PDLIM3: variants seen among roughly 807,000 people sequenced by gnomAD.
PDLIM3 encodes PDZ and LIM domain protein 3.
Under a neutral mutation model 37.3 loss-of-function variants are expected in PDLIM3, and 36 were observed. That is an observed-to-expected ratio of 0.97 (90% CI 0.74 to 1.28). The LOEUF (loss-of-function observed/expected upper bound fraction) is 1.28, where lower values mean the gene tolerates loss of function less well. Ranked by LOEUF, PDLIM3 falls within the 50% of genes most tolerant of loss-of-function variation. The pLI is 0.00. For synonymous variants in PDLIM3, 174 were observed against 182.4 expected (o/e 0.95, Z 0.37); for missense variants, 454 against 485.0 (o/e 0.94, Z 0.60).
intron 6 of PDLIM3, among the ~76,000 whole-genome samples, chr4:185,506,059 AATAATAG>A (rs1364765901): frequency 6.6e-6 from 1 of 152,206 alleles, no homozygotes; most frequent in Non-Finnish European, 1.5e-5. Context: ...AAGTAGGGCA[AATAATAG>A]GCTCACCTCC....
At chr4:185,529,025 G>C (rs2095739279) in intron 1 of PDLIM3, among the ~76,000 whole-genome samples, 1 of 152,192 alleles carries the variant, frequency 6.6e-6, no homozygotes, top group Non-Finnish European at 1.5e-5. Flanking sequence ...ATGAGGCATA[G>C]TGTTTGTCAG....
At chr4:185,530,901 C>T (rs550672651) in intron 1 of PDLIM3, among the ~76,000 whole-genome samples, 4 of 151,506 alleles carry the variant, frequency 2.6e-5, no homozygotes, top group Admixed American at 2.0e-4. Flanking sequence ...TAATAATGGC[C>T]CCAAAGTGCA....
chr4:185,518,002 G>A (rs2095717454), intron 3 of PDLIM3, among the ~76,000 whole-genome samples: 1 of 152,090 alleles, frequency 6.6e-6, no homozygotes, highest in Non-Finnish European at 1.5e-5. Context: ...AACTGAAAAT[G>A]CCAGTTAAAA....
chr4:185,506,907 A>T (rs2095698479), intron 5 of PDLIM3: 1 of 442,978 alleles, frequency 2.3e-6, no homozygotes, highest in Non-Finnish European at 4.1e-6. Flanking sequence ...TTTGGAAGGA[A>T]ACTAAAAGAT....
chr4:185,513,909 T>G (rs1580247804), intron 4 of PDLIM3: 2 of 1,190,644 alleles, frequency 1.7e-6, no homozygotes, highest in South Asian at 1.7e-5. Flanking sequence ...CCGGGGCTGG[T>G]TTCCATGCTC....
chr4:185,502,440 A>C lies in PDLIM3; in HGVS notation c.949T>G (p.Cys317Gly), dbSNP rs1248527723. 1 of 1,614,194 alleles carries C rather than the reference A, an allele frequency of 6.2e-7. No individual in the cohort carries two copies. The highest frequency in any genetic ancestry group is 1.1e-5 in the South Asian group (1 of 91,078). The change falls in exon 8 of 8, where the codon TGC (cysteine) becomes GGC (glycine). Residue 317 changes from cysteine to glycine, a missense_variant. By Grantham distance (159) the Cys-to-Gly change is radical. Transcript: ENST00000284767. ...KARDKYRHPE[C>G]FVCADCNLNL... ...AGGTTGCAGTCGGCACACACGAAGC[A>C]CTCAGGGTGCCGGTACTTATCCCGC...
At position 185,506,610 on chromosome 4, in the gene PDLIM3, C is replaced by G. The variant is rs763439352; in HGVS notation, c.705G>C (p.Arg235=). The change falls in exon 6 of 8, where the codon CGG becomes CGC. Residue 235 remains arginine, a synonymous_variant. Transcript: ENST00000284767. ...GCTCATTCCGATTGTCGTGGAGCAT[C>G]CGGTACACGTCCGACTCGGGGGGCA... ...ASVPPESDVY[R]MLHDNRNEPT... 1 of 1,610,818 alleles carries G rather than the reference C, an allele frequency of 6.2e-7. No homozygotes were observed. Among genetic ancestry groups the G allele is most frequent in the Admixed American group, 1.7e-5 (1 of 60,026 alleles).
In PDLIM3 at chr4:185,512,903, C is replaced by T. The variant is rs116769237; in HGVS notation, c.398+1367G>A. 1.6e-4 allele frequency: 157 copies of T among 985,250 alleles called. 1 individual carries two copies. The highest frequency in any genetic ancestry group is 2.1e-4 in the African/African-American group (12 of 57,286). The allele number at this position is 985,250 out of a possible 1,614,324, so 61.0% of individuals were successfully genotyped here. On this transcript the variant is annotated intron_variant, in intron 4 of 7. Coordinates refer to ENST00000284767, the MANE Select transcript of PDLIM3 (RefSeq NM_014476.6). Reference sequence around the variant, plus strand: ...GATGCAGATGAGAACAGAGTATGAACGAGGGAACACATAGAGAGAAGCAGG... The same window carrying T: ...GATGCAGATGAGAACAGAGTATGAATGAGGGAACACATAGAGAGAAGCAGG...
At position 185,504,834 on chromosome 4, in the gene PDLIM3, C is replaced by T. The variant is rs2095694016; in HGVS notation, c.794-248G>A. 6.6e-6 allele frequency among the ~76,000 whole-genome samples: 1 copy of T among 152,144 alleles called. No individual in the cohort carries two copies. Among genetic ancestry groups the T allele is most frequent in the Non-Finnish European group, 1.5e-5 (1 of 68,026 alleles). On this transcript the variant is annotated intron_variant, in intron 6 of 7. Coordinates refer to ENST00000284767, the MANE Select transcript of PDLIM3 (RefSeq NM_014476.6). The surrounding 1 kb of genome is among the most constrained non-coding windows in gnomAD (Gnocchi z 4.7). ...CAAAAACGCTCAAAGGAGCAGAGGG[C>T]ATTATTATTTTTTATTGTAGCAAAA...
intron 4 of PDLIM3, among the ~76,000 whole-genome samples, chr4:185,511,309 C>T (rs545346986): frequency 2.6e-5 from 4 of 151,958 alleles, no homozygotes; most frequent in East Asian, 1.9e-4. Context: ...AGAACTATAG[C>T]TAATGGTAAA....
intron 4 of PDLIM3, chr4:185,512,821 T>G: frequency 1.0e-6 from 1 of 985,168 alleles, no homozygotes; most frequent in Non-Finnish European, 1.2e-6. Context: ...AATCCAGTGT[T>G]TTGTTATTGG....
intron 1 of PDLIM3, among the ~76,000 whole-genome samples, chr4:185,529,493 G>A (rs760154817): frequency 1.3e-4 from 20 of 152,258 alleles, no homozygotes; most frequent in East Asian, 9.7e-4. Flanking sequence ...CGGTAGGCAC[G>A]GACCAAAATC....
intron 1 of PDLIM3, among the ~76,000 whole-genome samples, chr4:185,531,025 T>C (rs1488386483): frequency 6.6e-6 from 1 of 151,290 alleles, no homozygotes; most frequent in Non-Finnish European, 1.5e-5. Flanking sequence ...CGTATATATA[T>C]ATAGGGTTTG....
chr4:185,526,546 T>A (rs2095734526), intron 1 of PDLIM3, among the ~76,000 whole-genome samples: 1 of 152,228 alleles, frequency 6.6e-6, no homozygotes, highest in Non-Finnish European at 1.5e-5. Flanking sequence ...AAGTTTGTAA[T>A]TATTACTGTT....
chr4:185,526,538 G>A (rs959890141), intron 1 of PDLIM3, among the ~76,000 whole-genome samples: 2 of 152,098 alleles, frequency 1.3e-5, no homozygotes, highest in African/African-American at 2.4e-5. Flanking sequence ...AAAATAGGAA[G>A]TTTGTAATTA....
At chr4:185,525,689 G>C (rs2095732661) in intron 1 of PDLIM3, among the ~76,000 whole-genome samples, 1 of 152,174 alleles carries the variant, frequency 6.6e-6, no homozygotes, top group Non-Finnish European at 1.5e-5. Context: ...ATTTGGAGGA[G>C]GGACTTTTGG....
intron 4 of PDLIM3, among the ~76,000 whole-genome samples, chr4:185,511,363 T>A (rs2095706222): frequency 1.1e-5 from 1 of 90,582 alleles, no homozygotes; most frequent in Non-Finnish European, 2.2e-5. Context: ...ATGTCCAACT[T>A]ACTACTTTTT....
At position 185,508,560 on chromosome 4, in the gene PDLIM3, C is replaced by A; in HGVS notation, c.401G>T (p.Gly134Val). 2 of 1,613,854 alleles carry A rather than the reference C, an allele frequency of 1.2e-6. No homozygotes were observed. Among genetic ancestry groups the A allele is most frequent in the East Asian group, 4.5e-5 (2 of 44,884 alleles). Residue 134 changes from glycine to valine, a missense_variant and splice_region_variant, in exon 5 of 8, where the codon GGA becomes GTA. Transcript: ENST00000284767. ...GTCAATCCCGGAGGGAGTGCTGCAT[C>A]CACTGTGTTAATGGATACACGTTAC... ...KPFVIPGRSS[G>V]CSTPSGIDCG... is the part of the protein sequence containing the mutation.
At chr4:185,503,052 C>A (rs900937075) in intron 7 of PDLIM3, among the ~76,000 whole-genome samples, 5 of 151,950 alleles carry the variant, frequency 3.3e-5, no homozygotes, top group African/African-American at 1.2e-4. Flanking sequence ...ACGGTGAAAC[C>A]CCATCTCTAC....
Sources: gnomAD v4.1 joint callset for allele counts (sites outside exome capture counted in the v4.1 genomes callset) on GRCh38, gnomAD v4.1.1 for gene constraint, Gnocchi (gnomAD v3.1) non-coding constraint, MANE v1.5 for transcripts, NCBI Gene and HGNC (gene_info 2026-07-23, HGNC 2026-07-21) for gene names.